GNG7: variants seen among roughly 807,000 people sequenced by gnomAD.
GNG7 encodes the protein G protein subunit gamma 7.
Under a neutral mutation model 4.0 loss-of-function variants are expected in GNG7, and 1 was observed. The observed-to-expected ratio is 0.25, with a 90% CI of 0.09 to 1.18. GNG7 has a LOEUF of 1.18. Among genes scored for constraint, GNG7 ranks in the 50% most tolerant of loss-of-function variants. The pLI is 0.50. For missense variants in GNG7, 86 were observed against 91.9 expected (o/e 0.94, Z 0.26); for synonymous variants, 34 against 36.9 (o/e 0.92, Z 0.29).
intron 1 of GNG7, among the ~76,000 whole-genome samples, chr19:2,673,836 T>G (rs1983528402): frequency 6.6e-6 from 1 of 152,204 alleles, no homozygotes; most frequent in Non-Finnish European, 1.5e-5. Context: ...TTGTACTGCT[T>G]TTGTATATTT....
At chr19:2,563,011 C>T (rs1979792963) in intron 2 of GNG7, among the ~76,000 whole-genome samples, 1 of 151,966 alleles carries the variant, frequency 6.6e-6, no homozygotes, top group Admixed American at 6.6e-5. Context: ...GTGGCGTGAT[C>T]TCGGCTCACT....
chr19:2,696,950 T>G (rs767955019), intron 1 of GNG7, among the ~76,000 whole-genome samples: 1 of 152,192 alleles, frequency 6.6e-6, no homozygotes, highest in Non-Finnish European at 1.5e-5. Flanking sequence ...CCTCCCAGGT[T>G]CAAGCGATTC....
intron 2 of GNG7, among the ~76,000 whole-genome samples, chr19:2,597,413 A>G (rs1191924219): frequency 6.6e-6 from 1 of 152,130 alleles, no homozygotes; most frequent in African/African-American, 2.4e-5. Flanking sequence ...CCTGGCCAAC[A>G]TGGTGAAACC....
chr19:2,666,343 C>T (rs148160784), intron 1 of GNG7, among the ~76,000 whole-genome samples: 2,284 of 150,652 alleles, frequency 0.015, 59 homozygotes, highest in African/African-American at 0.053. Flanking sequence ...CGGCTAATTT[C>T]TGTATTTTTA....
rs1230529052 is a variant in GNG7, at chr19:2,617,414, C to A, written c.-78+28810G>T. ...TGTGAGCTCTGAGGACCCCATCAAT[C>A]TGATCAAGAAGCCACACTAGGTCAC... On this transcript the variant is annotated intron_variant, in intron 2 of 4. Transcript: ENST00000382159. The surrounding 1 kb of genome is among the most constrained non-coding windows in gnomAD (Gnocchi z 4.7). 6.6e-6 allele frequency among the ~76,000 whole-genome samples: 1 copy of A among 152,200 alleles called. No homozygotes were observed.
chr19:2,629,776 C>T (rs141160609), intron 2 of GNG7, among the ~76,000 whole-genome samples: 5 of 152,240 alleles, frequency 3.3e-5, no homozygotes, highest in East Asian at 1.9e-4. Flanking sequence ...AGAGGAGCTC[C>T]GTCCACATTT....
At chr19:2,519,447 C>T (rs965177614) in intron 4 of GNG7, among the ~76,000 whole-genome samples, 13 of 151,806 alleles carry the variant, frequency 8.6e-5, no homozygotes, top group African/African-American at 1.9e-4. Flanking sequence ...TGAGTCACCG[C>T]GCTCAGCCTG....
intron 2 of GNG7, among the ~76,000 whole-genome samples, chr19:2,584,096 G>A (rs1053323602): frequency 3.3e-5 from 5 of 151,876 alleles, no homozygotes; most frequent in Admixed American, 6.6e-5. Flanking sequence ...GCATCTTTTT[G>A]GGCCAGAAAG....
chr19:2,530,116 A>G (rs1048513385), intron 3 of GNG7, among the ~76,000 whole-genome samples: 12 of 152,266 alleles, frequency 7.9e-5, no homozygotes, highest in Non-Finnish European at 1.8e-4. Context: ...GAGGTCCACT[A>G]GAAAAGCTGG....
intron 1 of GNG7, among the ~76,000 whole-genome samples, chr19:2,668,555 G>A (rs368306607): frequency 1.3e-5 from 2 of 152,116 alleles, no homozygotes; most frequent in African/African-American, 4.8e-5. Flanking sequence ...CGGAACACCC[G>A]AGGCCAATTT....
At chr19:2,515,473 G>T (rs1304162375) in intron 4 of GNG7, among the ~76,000 whole-genome samples, 1 of 151,644 alleles carries the variant, frequency 6.6e-6, no homozygotes, top group Non-Finnish European at 1.5e-5. Flanking sequence ...TGTCGCCCAG[G>T]CTCTAGTGCA....
At chr19:2,541,441 TA>T (rs140400562) in intron 3 of GNG7, among the ~76,000 whole-genome samples, 9 of 139,196 alleles carry the variant, frequency 6.5e-5, no homozygotes. Flanking sequence ...TGCCTCTAAG[TA>T]AAAAAATCAA....
chr19:2,614,089 G>A lies in GNG7; in HGVS notation c.-78+32135C>T, dbSNP rs143063556. 3.4e-3 allele frequency among the ~76,000 whole-genome samples: 518 copies of A among 152,360 alleles called. 2 individuals carry two copies. Among genetic ancestry groups the A allele is most frequent in the Middle Eastern group, 0.014 (4 of 294 alleles). ...GGGCCAGCCTCGCACAGGTGGGTCCGTTGCAGGCGTCTGTTGCGAGACCAC... is the reference window on the plus strand; with the variant it reads ...GGGCCAGCCTCGCACAGGTGGGTCCATTGCAGGCGTCTGTTGCGAGACCAC... On this transcript the variant is annotated intron_variant, in intron 2 of 4. Coordinates refer to ENST00000382159, the MANE Select transcript of GNG7 (RefSeq NM_052847.3). This position sits in a 1 kb window ranked among gnomAD's most constrained non-coding sequence, Gnocchi z 6.0.
At chr19:2,674,811 TCTC>T (rs766667721) in intron 1 of GNG7, among the ~76,000 whole-genome samples, 7 of 152,060 alleles carry the variant, frequency 4.6e-5, no homozygotes, top group African/African-American at 9.7e-5. Flanking sequence ...AAAACAGAGA[TCTC>T]CTTATGTGAT....
chr19:2,537,048 G>A (rs554988066), intron 3 of GNG7, among the ~76,000 whole-genome samples: 87 of 151,548 alleles, frequency 5.7e-4, no homozygotes, highest in African/African-American at 1.8e-3. Context: ...CCGGGTTCAC[G>A]CCATTCTCCT....
chr19:2,581,891 C>T (rs1019908920), intron 2 of GNG7, among the ~76,000 whole-genome samples: 2 of 152,158 alleles, frequency 1.3e-5, no homozygotes, highest in Non-Finnish European at 1.5e-5. Context: ...GAGGTGAGAA[C>T]ATTTTGTGGA....
chr19:2,582,039 C>T (rs969763516), intron 2 of GNG7, among the ~76,000 whole-genome samples: 3 of 151,870 alleles, frequency 2.0e-5, no homozygotes, highest in Admixed American at 6.6e-5. Context: ...GCCAAAGGGA[C>T]GAGAGACAAA....
At position 2,538,195 on chromosome 19, in the gene GNG7, T is replaced by G. The variant is rs534153124; in HGVS notation, c.-38+16954A>C. 10 of 456,526 alleles carry G rather than the reference T, an allele frequency of 2.2e-5. No homozygotes were observed. The East Asian group carries it at 6.9e-4, about 32-fold the overall frequency. 28.3% of individuals were successfully genotyped at this position (456,526 alleles called of 1,614,324 possible). A position where few individuals can be genotyped will look rare whatever the true frequency, so the allele number is the denominator to read the frequency against. On this transcript the variant is annotated intron_variant, in intron 3 of 4. Coordinates refer to ENST00000382159, the MANE Select transcript of GNG7 (RefSeq NM_052847.3). ...CTGGTATCTTCTGACGATGATGACTTTATTGTAAAAAGAGAACATACACGA... is the reference window on the plus strand; with the variant it reads ...CTGGTATCTTCTGACGATGATGACTGTATTGTAAAAAGAGAACATACACGA...
Position 2,513,552 on chromosome 19 carries a change from C to T in GNG7, c.*1470G>A. The T allele has an allele frequency of 3.0e-6, 3 of 985,496 alleles. No homozygotes were observed. The highest frequency in any genetic ancestry group is 9.4e-5 in the South Asian group (2 of 21,290). 61.0% of individuals were successfully genotyped at this position (985,496 alleles called of 1,614,324 possible). A position where few individuals can be genotyped will look rare whatever the true frequency, so the allele number is the denominator to read the frequency against. On this transcript the variant is annotated 3_prime_UTR_variant, in exon 5 of 5. Coordinates refer to ENST00000382159, the MANE Select transcript of GNG7 (RefSeq NM_052847.3). ...CATGACATCTTCGATTTCCACTTGC[C>T]GCTGGGAGGAGTGGCCCATCCTGCG... is the stretch of plus-strand genomic sequence containing the variant.
Sources: allele counts gnomAD v4.1 joint callset (sites outside exome capture counted in the v4.1 genomes callset), GRCh38; gene constraint gnomAD v4.1.1; non-coding constraint Gnocchi (gnomAD v3.1); transcripts MANE v1.5; gene names NCBI Gene and HGNC (gene_info 2026-07-23, HGNC 2026-07-21).